The following GYS2 variants were observed in gnomAD, a reference collection of about 807,000 sequenced individuals.
GYS2 encodes glycogen [starch] synthase, liver.
GYS2 carries 80 observed loss-of-function variants against 85.6 expected under a neutral mutation model. That is an observed-to-expected ratio of 0.93 (90% CI 0.78 to 1.13). The LOEUF (loss-of-function observed/expected upper bound fraction) is 1.13. Ranked by LOEUF, GYS2 falls within the 50% of genes most tolerant of loss-of-function variation. The pLI is 0.00. For synonymous variants in GYS2, 328 were observed against 300.7 expected, an observed-to-expected ratio of 1.09 and a Z score of -0.94; for missense variants, 881 against 854.9, an observed-to-expected ratio of 1.03 and a Z score of -0.38.
chr12:21,550,103 T>C (rs1228433518), intron 11 of GYS2, among the ~76,000 whole-genome samples: 2 of 152,200 alleles, frequency 1.3e-5, no homozygotes, highest in Non-Finnish European at 2.9e-5. Flanking sequence ...CAAAACTTCA[T>C]TGTTCCTTGA....
intron 1 of GYS2, among the ~76,000 whole-genome samples, chr12:21,589,139 C>T (rs1944606600): frequency 1.3e-5 from 2 of 152,288 alleles, no homozygotes; most frequent in Middle Eastern, 3.4e-3. Flanking sequence ...ATGCATCTTA[C>T]TCAGAGATCT....
intron 15 of GYS2, among the ~76,000 whole-genome samples, chr12:21,537,684 G>T (rs988243408): frequency 2.0e-5 from 3 of 152,150 alleles, no homozygotes; most frequent in Non-Finnish European, 4.4e-5. Flanking sequence ...ACCACTAGAA[G>T]GCATCCTGGA....
chr12:21,546,920 A>C (rs887128960), intron 11 of GYS2, among the ~76,000 whole-genome samples: 1 of 152,190 alleles, frequency 6.6e-6, no homozygotes, highest in Non-Finnish European at 1.5e-5. Context: ...CTGAAATGGA[A>C]CTAAGGGACA....
At chr12:21,582,871 T>C (rs1018042692) in intron 1 of GYS2, among the ~76,000 whole-genome samples, 1 of 152,168 alleles carries the variant, frequency 6.6e-6, no homozygotes, top group Non-Finnish European at 1.5e-5. Flanking sequence ...GCAAAATAAA[T>C]GCATTTGACA....
chr12:21,552,479 C>T (rs1232417562), intron 11 of GYS2, among the ~76,000 whole-genome samples: 1 of 152,170 alleles, frequency 6.6e-6, no homozygotes, highest in African/African-American at 2.4e-5. Flanking sequence ...TAAATAGGCA[C>T]TTAAATCAGC....
rs1944495238 is a variant in GYS2 at position 21,580,385 on chromosome 12, G to A, written c.260C>T (p.Ala87Val). 1 of 1,613,734 alleles carries A rather than the reference G, an allele frequency of 6.2e-7. No individual in the cohort carries two copies. The highest frequency in any genetic ancestry group is 8.5e-7 in the Non-Finnish European group (1 of 1,179,780). The change falls in exon 2 of 16, where the codon GCT becomes GTT. Residue 87 changes from alanine to valine, a missense_variant. Coordinates refer to ENST00000261195, the MANE Select transcript of GYS2 (RefSeq NM_021957.4). ...QVEQCEPVND[A>V]VRRAVDAMNK... ...CATTGCGTCCACTGCTCTTCTGACA[G>A]CATCATTTACAGGTTCACACTGTTC...
chr12:21,573,831 C>T (rs1033582431), intron 4 of GYS2, among the ~76,000 whole-genome samples: 1 of 152,182 alleles, frequency 6.6e-6, no homozygotes, highest in African/African-American at 2.4e-5. Context: ...GCTTCCATAG[C>T]CTTAGGCTAG....
chr12:21,580,266 G>A, intron 2 of GYS2, 76 bp downstream of exon 2: 1 of 1,265,936 alleles, frequency 7.9e-7, no homozygotes, highest in East Asian at 2.3e-5. Flanking sequence ...GTCTTCTCTT[G>A]TGAGTTCATG....
intron 11 of GYS2, 127 bp downstream of exon 11, chr12:21,558,065 AAACTGAAC>A: frequency 1.5e-6 from 1 of 683,734 alleles, no homozygotes. Context: ...CCAAGACAAG[AAACTGAAC>A]CCATTTTCCT....
At chr12:21,550,887 A>C (rs1944100669) in intron 11 of GYS2, among the ~76,000 whole-genome samples, 1 of 152,198 alleles carries the variant, frequency 6.6e-6, no homozygotes, top group Non-Finnish European at 1.5e-5. Flanking sequence ...GGTTGCAGTG[A>C]ACGGAGATCG....
intron 1 of GYS2, among the ~76,000 whole-genome samples, chr12:21,591,783 T>C (rs999556068): frequency 9.2e-5 from 14 of 151,962 alleles, no homozygotes; most frequent in Admixed American, 7.2e-4. Flanking sequence ...GATTAACAGA[T>C]TAACAGCAGA....
intron 5 of GYS2, among the ~76,000 whole-genome samples, chr12:21,567,279 C>A (rs772994179): frequency 2.0e-5 from 3 of 151,872 alleles, no homozygotes; most frequent in Non-Finnish European, 2.9e-5. Context: ...AGGGTAGAAA[C>A]CTCAAGAGAA....
At chr12:21,581,555 T>G (rs1015954064) in intron 1 of GYS2, among the ~76,000 whole-genome samples, 2 of 152,198 alleles carry the variant, frequency 1.3e-5, no homozygotes. Flanking sequence ...CCTTCCTTCT[T>G]TAACTCGGTG....
chr12:21,604,392 A>T, intron 1 of GYS2, 80 bp downstream of exon 1: 1 of 869,138 alleles, frequency 1.2e-6, no homozygotes, highest in Non-Finnish European at 2.0e-6. Context: ...ATCACTAGAG[A>T]GTTATCTGTG....
chr12:21,569,053 CTTCTACACAAG>C, intron 4 of GYS2, 44 bp from the exon 5 acceptor site: 1 of 1,600,950 alleles, frequency 6.2e-7, no homozygotes, highest in Admixed American at 1.7e-5. Context: ...AACAATGGCC[CTTCTACACAAG>C]CTAAACAAAA....
chr12:21,600,435 A>G (rs1944743151), intron 1 of GYS2, among the ~76,000 whole-genome samples: 1 of 152,108 alleles, frequency 6.6e-6, no homozygotes. Flanking sequence ...GCCTTGATGG[A>G]TCTTTAAAAG....
At chr12:21,596,151 T>C (rs1205873988) in intron 1 of GYS2, among the ~76,000 whole-genome samples, 1 of 151,978 alleles carries the variant, frequency 6.6e-6, no homozygotes, top group Non-Finnish European at 1.5e-5. Context: ...ACCAGATGGA[T>C]TCACAACAGA....
intron 2 of GYS2, among the ~76,000 whole-genome samples, chr12:21,579,960 A>G (rs1251326412): frequency 6.6e-6 from 1 of 152,160 alleles, no homozygotes; most frequent in Non-Finnish European, 1.5e-5. Flanking sequence ...TACATTTGCA[A>G]TCTCTAGCTT....
intron 1 of GYS2, among the ~76,000 whole-genome samples, chr12:21,589,534 G>C (rs1418643125): frequency 6.6e-6 from 1 of 152,100 alleles, no homozygotes; most frequent in Non-Finnish European, 1.5e-5. Flanking sequence ...TCCCACATAA[G>C]AGAGAATTCT....
Sources: allele counts gnomAD v4.1 joint callset (sites outside exome capture counted in the v4.1 genomes callset), GRCh38; gene constraint gnomAD v4.1.1; transcripts MANE v1.5; gene names NCBI Gene and HGNC (gene_info 2026-07-23, HGNC 2026-07-21).